The following FHIT variants were observed in gnomAD, a reference collection of about 807,000 sequenced individuals.
FHIT encodes fragile histidine triad diadenosine triphosphatase, also known as bis(5'-adenosyl)-triphosphatase.
In FHIT, 19 loss-of-function variants were observed where a neutral mutation model predicts 17.9. The ratio of observed to expected loss-of-function variants is 1.06; its 90% CI spans 0.74 to 1.56. The LOEUF is 1.56. Among genes scored for constraint, FHIT ranks in the 40% most tolerant of loss-of-function variants. FHIT has a pLI of 0.00. For missense variants in FHIT, 248 were observed against 189.2 expected (o/e 1.31, Z -1.82); for synonymous variants, 81 against 69.7 (o/e 1.16, Z -0.81).
At chr3:60,085,447 C>A (rs1703456264) in intron 5 of FHIT, among the ~76,000 whole-genome samples, 1 of 152,138 alleles carries the variant, frequency 6.6e-6, no homozygotes, top group Non-Finnish European at 1.5e-5. Context: ...CTAACTGATG[C>A]ATGTGTATAT....
At chr3:60,601,865 A>G (rs1325092458) in intron 4 of FHIT, among the ~76,000 whole-genome samples, 1 of 152,192 alleles carries the variant, frequency 6.6e-6, no homozygotes, top group Non-Finnish European at 1.5e-5. Context: ...TTCCAGAGTT[A>G]AGGAAGTACT....
chr3:60,256,977 C>T (rs1215206543), intron 5 of FHIT, among the ~76,000 whole-genome samples: 2 of 152,170 alleles, frequency 1.3e-5, no homozygotes, highest in Non-Finnish European at 2.9e-5. Flanking sequence ...AATAGTAATG[C>T]AAAATATTAA....
intron 5 of FHIT, among the ~76,000 whole-genome samples, chr3:60,018,762 G>A (rs575386537): frequency 5.6e-4 from 85 of 152,290 alleles, no homozygotes; most frequent in African/African-American, 2.0e-3. Flanking sequence ...CGAATCACCT[G>A]AGGTCAGCAG....
At position 59,907,433 on chromosome 3, in the gene FHIT, G is replaced by A. The variant is rs571783494; in HGVS notation, c.348+14913C>T. 1.6e-4 allele frequency among the ~76,000 whole-genome samples: 25 copies of A among 152,288 alleles called. No homozygotes were observed. The East Asian group carries it at 4.8e-3, about 29-fold the overall frequency. ...ACCAGCTTAGCCTTTAATTCAAAAGGCGCTGCCCCAGTGTGAGAGAGAAAT... is the reference window on the plus strand; with the variant it reads ...ACCAGCTTAGCCTTTAATTCAAAAGACGCTGCCCCAGTGTGAGAGAGAAAT... On this transcript the variant is annotated intron_variant, in intron 8 of 9. Transcript: ENST00000492590.
chr3:60,056,730 T>A (rs1322285246), intron 5 of FHIT, among the ~76,000 whole-genome samples: 2 of 152,200 alleles, frequency 1.3e-5, no homozygotes, highest in Admixed American at 6.5e-5. Flanking sequence ...AAACAGAAAT[T>A]GCTTTTTATC....
intron 3 of FHIT, among the ~76,000 whole-genome samples, chr3:60,935,829 C>T (rs1390865728): frequency 1.3e-5 from 2 of 152,176 alleles, no homozygotes; most frequent in African/African-American, 2.4e-5. Context: ...CTAAACTGCT[C>T]GGTAGCATTC....
intron 5 of FHIT, among the ~76,000 whole-genome samples, chr3:60,028,500 A>G (rs1350920965): frequency 6.6e-6 from 1 of 152,208 alleles, no homozygotes; most frequent in Non-Finnish European, 1.5e-5. Flanking sequence ...ATTCAGTCAG[A>G]GGCAGCCAGC....
chr3:60,839,196 A>G (rs1397625055), intron 3 of FHIT, among the ~76,000 whole-genome samples: 1 of 152,178 alleles, frequency 6.6e-6, no homozygotes, highest in Non-Finnish European at 1.5e-5. Context: ...ATTTAAAGCA[A>G]TGATTGCTAC....
At chr3:60,982,591 C>T (rs989765956) in intron 3 of FHIT, among the ~76,000 whole-genome samples, 1 of 152,188 alleles carries the variant, frequency 6.6e-6, no homozygotes, top group African/African-American at 2.4e-5. Context: ...CTCCCTCCTC[C>T]CCGTTTGTAC....
At chr3:60,749,123 T>A (rs2108027111) in intron 4 of FHIT, among the ~76,000 whole-genome samples, 1 of 152,292 alleles carries the variant, frequency 6.6e-6, no homozygotes, top group South Asian at 2.1e-4. Flanking sequence ...TAATAATGTT[T>A]GTTCATCCAG....
chr3:60,959,303 A>T (rs9311789), intron 3 of FHIT, among the ~76,000 whole-genome samples: 94,153 of 152,026 alleles, frequency 0.62, 29,852 homozygotes, highest in African/African-American at 0.73. Flanking sequence ...TTATATTTCA[A>T]CAGAACTTCT....
At chr3:60,044,599 C>T (rs17061919) in intron 5 of FHIT, among the ~76,000 whole-genome samples, 7,522 of 151,810 alleles carry the variant, frequency 0.05, 265 homozygotes, top group South Asian at 0.15. Flanking sequence ...TGGTAAAGGC[C>T]TGTAGAAATT....
intron 5 of FHIT, among the ~76,000 whole-genome samples, chr3:60,410,343 T>C (rs1329552808): frequency 6.6e-6 from 1 of 152,166 alleles, no homozygotes; most frequent in African/African-American, 2.4e-5. Flanking sequence ...AAAGTCTATG[T>C]CTAAAGAGGA....
chr3:60,666,890 C>G (rs1196526622), intron 4 of FHIT, among the ~76,000 whole-genome samples: 1 of 116,254 alleles, frequency 8.6e-6, no homozygotes, highest in African/African-American at 3.2e-5. Context: ...GAGACAGAGT[C>G]TCACTTTATT....
intron 4 of FHIT, among the ~76,000 whole-genome samples, chr3:60,706,027 A>C (rs983248268): frequency 4.6e-5 from 7 of 152,122 alleles, no homozygotes; most frequent in African/African-American, 1.7e-4. Flanking sequence ...ATTTTCCATG[A>C]CTCAGTCCAG....
intron 5 of FHIT, among the ~76,000 whole-genome samples, chr3:60,104,444 C>A (rs992611895): frequency 1.3e-5 from 2 of 151,132 alleles, no homozygotes; most frequent in African/African-American, 2.4e-5. Context: ...CTGACTTGAA[C>A]ACACAATGTA....
intron 3 of FHIT, among the ~76,000 whole-genome samples, chr3:60,944,156 T>C (rs1708542149): frequency 6.6e-6 from 1 of 152,178 alleles, no homozygotes; most frequent in African/African-American, 2.4e-5. Context: ...AAATTTGAAC[T>C]TTACCCTACA....
intron 5 of FHIT, among the ~76,000 whole-genome samples, chr3:60,442,679 TGTA>T (rs1327004376): frequency 6.6e-6 from 1 of 152,172 alleles, no homozygotes; most frequent in Non-Finnish European, 1.5e-5. Context: ...ACTGTAGCCT[TGTA>T]GTATAGTTTG....
At chr3:59,788,459 A>G (rs1699405657) in intron 8 of FHIT, among the ~76,000 whole-genome samples, 1 of 152,136 alleles carries the variant, frequency 6.6e-6, no homozygotes, top group South Asian at 2.1e-4. Flanking sequence ...CCACCCTTGC[A>G]CCAGTGCACA....
Sources: gnomAD v4.1 joint callset for allele counts (sites outside exome capture counted in the v4.1 genomes callset) on GRCh38, gnomAD v4.1.1 for gene constraint, MANE v1.5 for transcripts, NCBI Gene and HGNC (gene_info 2026-07-23, HGNC 2026-07-21) for gene names.